Variants in ATP9A observed in about 807,000 individuals in gnomAD.
ATP9A encodes the protein probable phospholipid-transporting ATPase IIA.
Under a neutral mutation model 144.1 loss-of-function variants are expected in ATP9A, and 52 were observed. The ratio of observed to expected loss-of-function variants is 0.36; its 90% CI spans 0.29 to 0.45. ATP9A has a LOEUF of 0.45. ATP9A is among the 20% of genes least tolerant of loss of function. The pLI, the probability that ATP9A is intolerant of heterozygous loss-of-function variation, is 1.00. For missense variants in ATP9A, 947 were observed against 1,392.7 expected, an observed-to-expected ratio of 0.68 and a Z score of 5.09; for synonymous variants, 582 against 557.4, an observed-to-expected ratio of 1.04 and a Z score of -0.62.
At chr20:51,633,820 A>G (rs1357878222) in intron 15 of ATP9A, among the ~76,000 whole-genome samples, 1 of 149,464 alleles carries the variant, frequency 6.7e-6, no homozygotes, top group Non-Finnish European at 1.5e-5. Flanking sequence ...GGACAGAAGA[A>G]GGGAAAGAGG....
chr20:51,665,817 T>C (rs747982962), intron 13 of ATP9A, among the ~76,000 whole-genome samples: 1 of 152,216 alleles, frequency 6.6e-6, no homozygotes, highest in African/African-American at 2.4e-5. Flanking sequence ...TCCTAATGTG[T>C]TGGCCATTTT....
rs1012444856 is a variant in ATP9A at position 51,598,006 on chromosome 20, T to G, written c.*3205A>C. ...GGAAAAGGGAGGTCTGCTCCAACTTTAAGATGCGCCCTTGGGATGCCTTCC... is the reference window on the plus strand; with the variant it reads ...GGAAAAGGGAGGTCTGCTCCAACTTGAAGATGCGCCCTTGGGATGCCTTCC... On this transcript the variant is annotated 3_prime_UTR_variant, in exon 28 of 28. Coordinates refer to ENST00000338821, the MANE Select transcript of ATP9A (RefSeq NM_006045.3). 2 of 152,088 alleles carry G rather than the reference T, an allele frequency of 1.3e-5. No individual in the cohort carries two copies. Among genetic ancestry groups the G allele is most frequent in the Non-Finnish European group, 2.9e-5 (2 of 68,028 alleles). 9.4% of individuals were successfully genotyped at this position (152,088 alleles called of 1,614,324 possible). A position where few individuals can be genotyped will look rare whatever the true frequency, so the allele number is the denominator to read the frequency against.
At chr20:51,744,071 A>T (rs6021413) in intron 1 of ATP9A, among the ~76,000 whole-genome samples, 77,982 of 152,048 alleles carry the variant, frequency 0.51, 20,369 homozygotes, top group East Asian at 0.69. Context: ...TCACCCATTG[A>T]TAACAGCCAT....
intron 25 of ATP9A, 89 bp from the exon 26 acceptor site, chr20:51,607,673 G>A (rs1160308303): frequency 5.6e-5 from 53 of 951,650 alleles, no homozygotes; most frequent in Non-Finnish European, 8.4e-5. Context: ...TCCCGCTAAC[G>A]AGATAAGGCA....
At chr20:51,690,716 C>A (rs749344661) in intron 8 of ATP9A, 23 bp downstream of exon 8, 1 of 1,590,990 alleles carries the variant, frequency 6.3e-7, no homozygotes, top group South Asian at 1.1e-5. Context: ...TGACAGGATC[C>A]CATGTGAAGG....
At chr20:51,730,237 G>C (rs2122874693) in intron 1 of ATP9A, among the ~76,000 whole-genome samples, 1 of 152,264 alleles carries the variant, frequency 6.6e-6, no homozygotes, top group East Asian at 1.9e-4. Context: ...GGGAGGCCGA[G>C]GTGGGCAGAC....
chr20:51,682,428 C>A (rs2077503743), intron 9 of ATP9A, among the ~76,000 whole-genome samples: 1 of 151,968 alleles, frequency 6.6e-6, no homozygotes, highest in African/African-American at 2.4e-5. Flanking sequence ...TCATGAACTT[C>A]CAGCCCTGCC....
intron 13 of ATP9A, among the ~76,000 whole-genome samples, chr20:51,659,173 G>A (rs2077401264): frequency 1.3e-5 from 2 of 152,088 alleles, no homozygotes; most frequent in Admixed American, 1.3e-4. Flanking sequence ...CCTCCTCAAA[G>A]AGGCTCTTCC....
chr20:51,706,412 T>C (rs1378024059), intron 4 of ATP9A, among the ~76,000 whole-genome samples: 2 of 152,172 alleles, frequency 1.3e-5, no homozygotes, highest in Admixed American at 1.3e-4. Context: ...GAAAGAAATG[T>C]TTTCCTTCCC....
intron 14 of ATP9A, among the ~76,000 whole-genome samples, chr20:51,644,052 G>A (rs149766379): frequency 7.4e-4 from 112 of 152,054 alleles, no homozygotes; most frequent in African/African-American, 2.5e-3. Context: ...GGAGAATCGC[G>A]TGAACCCCAG....
At chr20:51,760,542 C>A (rs1054592063) in intron 1 of ATP9A, among the ~76,000 whole-genome samples, 1 of 151,714 alleles carries the variant, frequency 6.6e-6, no homozygotes, top group Non-Finnish European at 1.5e-5. Context: ...GCCTGGCCAA[C>A]ATGGCGAAAC....
At chr20:51,719,375 G>GA (rs2077678095) in intron 3 of ATP9A, among the ~76,000 whole-genome samples, 1 of 152,002 alleles carries the variant, frequency 6.6e-6, no homozygotes. Context: ...TAAAAATCAA[G>GA]AGAAAAAATA....
chr20:51,738,843 G>A (rs1034586958), intron 1 of ATP9A, among the ~76,000 whole-genome samples: 1 of 152,224 alleles, frequency 6.6e-6, no homozygotes, highest in Non-Finnish European at 1.5e-5. Context: ...AGCACTTTGG[G>A]AGGCCAAGGC....
At chr20:51,697,551 T>C in intron 4 of ATP9A, 69 bp from the exon 5 acceptor site, 1 of 1,453,328 alleles carries the variant, frequency 6.9e-7, no homozygotes, top group Non-Finnish European at 9.5e-7. Context: ...CTTTACAGAG[T>C]GCCCAGCCTG....
At chr20:51,714,859 C>T (rs1409477158) in intron 3 of ATP9A, among the ~76,000 whole-genome samples, 1 of 152,154 alleles carries the variant, frequency 6.6e-6, no homozygotes, top group Non-Finnish European at 1.5e-5. Context: ...TTTAAACTTC[C>T]CCAACTTTCC....
At chr20:51,687,775 A>AGAATGAATG (rs113719960) in intron 9 of ATP9A, among the ~76,000 whole-genome samples, 2 of 147,460 alleles carry the variant, frequency 1.4e-5, no homozygotes, top group African/African-American at 5.1e-5. Flanking sequence ...AAAAAAAAAA[A>AGAATGAATG]AATGAATGAA....
At chr20:51,688,023 G>A (rs1003249955) in intron 9 of ATP9A, among the ~76,000 whole-genome samples, 2 of 152,204 alleles carry the variant, frequency 1.3e-5, no homozygotes, top group Non-Finnish European at 2.9e-5. Flanking sequence ...AAATGCCTAG[G>A]TTCAAGTTCC....
chr20:51,696,254 G>A (rs1447156697), intron 5 of ATP9A, 110 bp from the exon 6 acceptor site: 2 of 834,318 alleles, frequency 2.4e-6, no homozygotes, highest in East Asian at 4.9e-5. Context: ...TGGGGCAGGG[G>A]GGACTGAAAC....
intron 8 of ATP9A, among the ~76,000 whole-genome samples, chr20:51,690,374 G>C (rs1368049556): frequency 2.6e-5 from 4 of 152,100 alleles, no homozygotes; most frequent in Admixed American, 2.0e-4. Context: ...GAGCCGAGAT[G>C]GTGCCACTGG....
Sources: allele counts gnomAD v4.1 joint callset (sites outside exome capture counted in the v4.1 genomes callset), GRCh38; gene constraint gnomAD v4.1.1; transcripts MANE v1.5; gene names NCBI Gene and HGNC (gene_info 2026-07-23, HGNC 2026-07-21).